The following LRMDA variants were observed in gnomAD, a reference collection of about 807,000 sequenced individuals.
The protein encoded by LRMDA is leucine rich melanocyte differentiation associated, also known as leucine-rich melanocyte differentiation-associated protein.
A neutral mutation model predicts 29.8 loss-of-function variants in LRMDA; 18 were observed. The ratio of observed to expected loss-of-function variants is 0.60; its 90% CI spans 0.42 to 0.90. The LOEUF (loss-of-function observed/expected upper bound fraction) is 0.90. Among genes scored for constraint, LRMDA ranks in the 40% least tolerant of loss-of-function variants. LRMDA has a pLI of 0.00. For missense variants in LRMDA, 273 were observed against 273.9 expected, an observed-to-expected ratio of 1.00 and a Z score of 0.02; for synonymous variants, 125 against 109.4, an observed-to-expected ratio of 1.14 and a Z score of -0.89.
chr10:76,011,266 T>C (rs191309039), intron 2 of LRMDA, among the ~76,000 whole-genome samples: 8 of 152,310 alleles, frequency 5.3e-5, no homozygotes, highest in Admixed American at 4.6e-4. Flanking sequence ...CATCCATTTA[T>C]CACAAAAGAC....
chr10:76,149,648 G>C (rs978276538), intron 5 of LRMDA, among the ~76,000 whole-genome samples: 19 of 151,808 alleles, frequency 1.3e-4, no homozygotes, highest in African/African-American at 4.6e-4. Context: ...TGTGACTGTG[G>C]GGAGACCAGG....
chr10:76,169,190 G>A (rs1267858711), intron 5 of LRMDA, among the ~76,000 whole-genome samples: 2 of 152,140 alleles, frequency 1.3e-5, no homozygotes, highest in South Asian at 2.1e-4. Flanking sequence ...GTTGCTGATA[G>A]GATTCTTCGG....
At chr10:75,989,730 A>T (rs1847326385) in intron 2 of LRMDA, among the ~76,000 whole-genome samples, 1 of 152,240 alleles carries the variant, frequency 6.6e-6, no homozygotes, top group African/African-American at 2.4e-5. Flanking sequence ...CAGATGAGAA[A>T]GGTGAAGCCC....
chr10:76,216,683 A>C (rs1037616389), intron 5 of LRMDA, among the ~76,000 whole-genome samples: 1 of 152,230 alleles, frequency 6.6e-6, no homozygotes, highest in African/African-American at 2.4e-5. Context: ...ATCTACAGGA[A>C]CCCTGCTATG....
At chr10:76,114,982 C>T (rs767474234) in intron 5 of LRMDA, among the ~76,000 whole-genome samples, 1 of 152,170 alleles carries the variant, frequency 6.6e-6, no homozygotes, top group Admixed American at 6.5e-5. Flanking sequence ...AGGGTCCTTT[C>T]AGTCATTTTT....
At chr10:75,664,023 C>T (rs1339599934) in intron 2 of LRMDA, among the ~76,000 whole-genome samples, 3 of 152,172 alleles carry the variant, frequency 2.0e-5, no homozygotes, top group Non-Finnish European at 1.5e-5. Context: ...TATCAGGGAC[C>T]CTCCTGTGGA....
At chr10:75,916,602 C>G (rs1845939884) in intron 2 of LRMDA, among the ~76,000 whole-genome samples, 1 of 152,192 alleles carries the variant, frequency 6.6e-6, no homozygotes, top group African/African-American at 2.4e-5. Flanking sequence ...CCATGCTTTT[C>G]TGAATCTTTA....
At chr10:76,129,266 T>C (rs1338718331) in intron 5 of LRMDA, among the ~76,000 whole-genome samples, 2 of 152,160 alleles carry the variant, frequency 1.3e-5, no homozygotes, top group Admixed American at 6.5e-5. Flanking sequence ...AGCTTGGCCA[T>C]TGGTGCTCCT....
intron 2 of LRMDA, among the ~76,000 whole-genome samples, chr10:75,556,590 C>T (rs949131766): frequency 6.6e-6 from 1 of 152,106 alleles, no homozygotes; most frequent in Non-Finnish European, 1.5e-5. Context: ...TAAACAACAA[C>T]AAAAAGACTA....
intron 2 of LRMDA, among the ~76,000 whole-genome samples, chr10:75,730,205 A>G (rs1842679522): frequency 6.6e-6 from 1 of 152,062 alleles, no homozygotes; most frequent in Non-Finnish European, 1.5e-5. Flanking sequence ...CACTGTGACC[A>G]TTCTTGTTGA....
At chr10:75,777,307 A>G (rs2132239772) in intron 2 of LRMDA, among the ~76,000 whole-genome samples, 2 of 152,316 alleles carry the variant, frequency 1.3e-5, no homozygotes, top group Middle Eastern at 6.8e-3. Context: ...TCAATCTCCC[A>G]GAGCTGTGTG....
intron 2 of LRMDA, among the ~76,000 whole-genome samples, chr10:75,643,364 G>A (rs1841478000): frequency 6.6e-6 from 1 of 152,026 alleles, no homozygotes; most frequent in African/African-American, 2.4e-5. Flanking sequence ...GTAAAGTTGC[G>A]ATACTCCCTA....
At chr10:76,480,187 A>C (rs1466004881) in intron 6 of LRMDA, among the ~76,000 whole-genome samples, 1 of 151,850 alleles carries the variant, frequency 6.6e-6, no homozygotes, top group African/African-American at 2.4e-5. Context: ...GAAATCCGTG[A>C]GTTTCTTTCA....
At chr10:76,382,450 T>C (rs1841604529) in intron 6 of LRMDA, among the ~76,000 whole-genome samples, 1 of 152,164 alleles carries the variant, frequency 6.6e-6, no homozygotes, top group South Asian at 2.1e-4. Context: ...ATGCTGTCTG[T>C]TTCACTTAAA....
chr10:76,262,577 T>C (rs939941451), intron 5 of LRMDA, among the ~76,000 whole-genome samples: 2 of 152,336 alleles, frequency 1.3e-5, no homozygotes, highest in South Asian at 2.1e-4. Flanking sequence ...CTGGCATATA[T>C]GTGTTCGGCA....
chr10:75,746,030 G>A (rs1842886383), intron 2 of LRMDA, among the ~76,000 whole-genome samples: 2 of 152,172 alleles, frequency 1.3e-5, no homozygotes, highest in South Asian at 4.1e-4. Flanking sequence ...CTTGGTTAAG[G>A]TATTTGTTTG....
chr10:76,273,558 C>T (rs570264539), intron 5 of LRMDA, among the ~76,000 whole-genome samples: 18 of 152,266 alleles, frequency 1.2e-4, no homozygotes, highest in African/African-American at 4.3e-4. Context: ...GCCATACCTC[C>T]ATATAACTTG....
At chr10:76,282,745 A>G (rs888549851) in intron 5 of LRMDA, among the ~76,000 whole-genome samples, 1 of 152,126 alleles carries the variant, frequency 6.6e-6, no homozygotes, top group African/African-American at 2.4e-5. Context: ...TCGTCTGCAA[A>G]CCATTCACCT....
chr10:75,841,366 G>A (rs1844538196), intron 2 of LRMDA, among the ~76,000 whole-genome samples: 1 of 152,154 alleles, frequency 6.6e-6, no homozygotes, highest in Admixed American at 6.5e-5. Context: ...TGTTTTGTCT[G>A]TGTGAATGAT....
Sources: gnomAD v4.1 joint callset for allele counts (sites outside exome capture counted in the v4.1 genomes callset) on GRCh38, gnomAD v4.1.1 for gene constraint, MANE v1.5 for transcripts, NCBI Gene and HGNC (gene_info 2026-07-23, HGNC 2026-07-21) for gene names.